ARG1: variants seen among roughly 807,000 people sequenced by gnomAD.
ARG1 encodes the protein arginase 1.
In ARG1, 20 loss-of-function variants were observed where a neutral mutation model predicts 33.0. The observed-to-expected ratio is 0.61, with a 90% CI of 0.43 to 0.88. The LOEUF (loss-of-function observed/expected upper bound fraction) is 0.88, where lower values mean the gene tolerates loss of function less well. ARG1 is among the 40% of genes least tolerant of loss of function. ARG1 has a pLI of 0.00. For synonymous variants in ARG1, 146 were observed against 140.6 expected (o/e 1.04, Z -0.27); for missense variants, 374 against 384.7 (o/e 0.97, Z 0.23).
intron 2 of ARG1, 109 bp downstream of exon 2, chr6:131,576,844 G>A (rs994369097): frequency 1.4e-5 from 14 of 990,838 alleles, no homozygotes; most frequent in South Asian, 1.2e-4. Flanking sequence ...TCAGAATTGC[G>A]GTACTGGTTA....
chr6:131,573,364 A>G (rs758330818), intron 1 of ARG1, 25 bp downstream of exon 1: 3 of 1,612,682 alleles, frequency 1.9e-6, no homozygotes, highest in Non-Finnish European at 1.7e-6. Context: ...CTTTCTTTGA[A>G]TTCCTGGAAT....
intron 2 of ARG1, 71 bp from the exon 3 acceptor site, chr6:131,579,040 T>TA (rs749556084): frequency 6.5e-7 from 1 of 1,537,522 alleles, no homozygotes; most frequent in South Asian, 1.2e-5. Flanking sequence ...TTTATACAAT[T>TA]GAGATCATCC....
intron 3 of ARG1, 145 bp downstream of exon 3, chr6:131,579,430 G>A (rs554516926): frequency 2.3e-6 from 2 of 863,788 alleles, no homozygotes; most frequent in Non-Finnish European, 3.5e-6. Context: ...AAATTTTATA[G>A]GTTACTTTTA....
chr6:131,580,463 A>C (rs1030716302), intron 3 of ARG1, among the ~76,000 whole-genome samples: 2 of 152,222 alleles, frequency 1.3e-5, no homozygotes, highest in Non-Finnish European at 2.9e-5. Flanking sequence ...GGGAGAATAC[A>C]GGCATTGTAT....
rs556756212 is a variant in ARG1 at position 131,583,433 on chromosome 6, C to T, written c.744C>T (p.Val248=). Residue 248 remains valine, a synonymous_variant, in exon 7 of 8, where the codon GTC becomes GTT. Transcript: ENST00000368087. Reference sequence around the variant, plus strand: ...TCACACCAGCTACTGGCACACCAGTCGTGGGAGGTCTGACATACAGAGAAG... The same window carrying T: ...TCACACCAGCTACTGGCACACCAGTTGTGGGAGGTCTGACATACAGAGAAG... The part of the protein sequence containing the change: ...PSFTPATGTP[V]VGGLTYREGL... 3.1e-6 allele frequency: 5 copies of T among 1,614,078 alleles called. No individual in the cohort carries two copies. The highest frequency in any genetic ancestry group is 2.2e-5 in the South Asian group (2 of 91,070).
chr6:131,579,894 G>A (rs1285100985), intron 3 of ARG1, among the ~76,000 whole-genome samples: 4 of 151,932 alleles, frequency 2.6e-5, no homozygotes, highest in Non-Finnish European at 5.9e-5. Context: ...TCTATGTTGT[G>A]TTCTCACTCT....
Position 131,581,355 on chromosome 6 carries a change from C to T in ARG1, c.442C>T (p.Leu148Phe). Residue 148 changes from leucine (L) to phenylalanine (F), a missense_variant, in exon 4 of 8, where the codon CTC becomes TTC. Coordinates refer to ENST00000368087, the MANE Select transcript of ARG1 (RefSeq NM_000045.4). ...GNLHGQPVSF[L>F]LKELKGKIPD... ...CTTGCATGGACAACCTGTATCTTTC[C>T]TCCTGAAGGAACTAAAAGGAAAGGT... 2 of 1,613,516 alleles carry T rather than the reference C, an allele frequency of 1.2e-6. No homozygotes were observed. The highest frequency in any genetic ancestry group is 1.7e-6 in the Non-Finnish European group (2 of 1,179,716).
rs1190609964 is a variant in ARG1 at position 131,583,772 on chromosome 6, T to A, written c.833T>A (p.Val278Glu). Reference protein sequence around the residue: ...GLLSGLDIMEVNPSLGKTPEE... With the variant: ...GLLSGLDIMEENPSLGKTPEE... ...CTCTCAGGATTAGATATAATGGAAG[T>A]GAACCCATCCCTGGGGAAGACACCA... is the stretch of plus-strand genomic sequence containing the variant. The change falls in exon 8 of 8, where the codon GTG becomes GAG. Residue 278 changes from valine to glutamate, a missense_variant. Transcript: ENST00000368087. 6.2e-7 allele frequency: 1 copy of A among 1,614,086 alleles called. No homozygotes were observed. The highest frequency in any genetic ancestry group is 8.5e-7 in the Non-Finnish European group (1 of 1,179,956).
At chr6:131,578,355 T>G (rs2114526458) in intron 2 of ARG1, among the ~76,000 whole-genome samples, 1 of 152,288 alleles carries the variant, frequency 6.6e-6, no homozygotes, top group East Asian at 1.9e-4. Context: ...AAATACCATA[T>G]TTAATGGCCA....
At chr6:131,579,331 T>G in intron 3 of ARG1, 46 bp downstream of exon 3, 5 of 1,598,236 alleles carry the variant, frequency 3.1e-6, no homozygotes, top group Non-Finnish European at 4.3e-6. Flanking sequence ...ACAAAGGAAG[T>G]AACCAAGGCC....
chr6:131,577,363 A>T (rs1288507837), intron 2 of ARG1, among the ~76,000 whole-genome samples: 1 of 152,184 alleles, frequency 6.6e-6, no homozygotes. Flanking sequence ...AGGTAAACAT[A>T]TATTTACATT....
rs1773916416 is a variant in ARG1, at chr6:131,581,374, G to A, written c.461G>A (p.Gly154Glu). ...TCTTTCCTCCTGAAGGAACTAAAAG[G>A]AAAGGTAAAAGACTGGTTGGTACTC... ...PVSFLLKELK[G>E]KIPDVPGFSW... The change falls in exon 4 of 8, where the codon GGA (glycine) becomes GAA (glutamate). Residue 154 changes from glycine to glutamate, a missense_variant. Physicochemically the swap from Gly to Glu is moderately conservative, Grantham distance 98 (BLOSUM62 -2). Coordinates refer to ENST00000368087, the MANE Select transcript of ARG1 (RefSeq NM_000045.4). 1 of 1,612,470 alleles carries A rather than the reference G, an allele frequency of 6.2e-7. No homozygotes were observed. The highest frequency in any genetic ancestry group is 1.3e-5 in the African/African-American group (1 of 75,014).
Position 131,574,209 on chromosome 6 carries a change from G to C in ARG1, c.57+870G>C. ...ACAATGTATGAGTTGAAACTACTAA[G>C]GTTGATTTTCTCCAGGTTTCTCAGG... On this transcript the variant is annotated intron_variant, in intron 1 of 7. Transcript: ENST00000368087. 6 of 1,505,258 alleles carry C rather than the reference G, an allele frequency of 4.0e-6. No homozygotes were observed. The South Asian group carries it at 6.8e-5, about 17-fold the overall frequency. The allele number at this position is 1,505,258 out of a possible 1,614,324, so 93.2% of individuals were successfully genotyped here.
At chr6:131,574,912 C>G (rs1231047866) in intron 1 of ARG1, among the ~76,000 whole-genome samples, 3 of 152,174 alleles carry the variant, frequency 2.0e-5, no homozygotes, top group African/African-American at 4.8e-5. Flanking sequence ...TAATTCCAGA[C>G]AAGATAATCT....
intron 3 of ARG1, among the ~76,000 whole-genome samples, chr6:131,580,689 G>C (rs550343822): frequency 1.3e-5 from 2 of 152,134 alleles, no homozygotes; most frequent in African/African-American, 4.8e-5. Flanking sequence ...GTGAACACAC[G>C]CCATACGCTG....
chr6:131,583,387 T>C lies in ARG1; in HGVS notation c.698T>C (p.Val233Ala), dbSNP rs1372696715. ...AGGCCAATTCATCTAAGTTTTGATGTTGACGGACTGGACCCATCTTTCACA... is the reference window on the plus strand; with the variant it reads ...AGGCCAATTCATCTAAGTTTTGATGCTGACGGACTGGACCCATCTTTCACA... ...KKRPIHLSFD[V>A]DGLDPSFTPA... The change falls in exon 7 of 8, where the codon GTT (valine) becomes GCT (alanine). Residue 233 changes from valine to alanine, a missense_variant. Physicochemically the swap from Val to Ala is moderately conservative, Grantham distance 64 (BLOSUM62 0). Coordinates refer to ENST00000368087, the MANE Select transcript of ARG1 (RefSeq NM_000045.4). The C allele has an allele frequency of 6.2e-7, 1 of 1,614,204 alleles. No individual in the cohort carries two copies. The highest frequency in any genetic ancestry group is 1.7e-5 in the Admixed American group (1 of 60,032).
In ARG1 at chr6:131,573,289, G is replaced by A. The variant is rs558377642; in HGVS notation, c.7G>A (p.Ala3Thr). 24 of 1,613,860 alleles carry A rather than the reference G, an allele frequency of 1.5e-5. No individual in the cohort carries two copies. Among genetic ancestry groups the A allele is most frequent in the African/African-American group, 2.7e-5 (2 of 74,876 alleles). The part of the protein sequence containing the change: MS[A>T]KSRTIGIIGA... ...CAAAGAGAAGTGTCAGAGCATGAGCGCCAAGTCCAGAACCATAGGGATTAT... is the reference window on the plus strand; with the variant it reads ...CAAAGAGAAGTGTCAGAGCATGAGCACCAAGTCCAGAACCATAGGGATTAT... The change falls in exon 1 of 8, where the codon GCC becomes ACC. Residue 3 changes from alanine (A) to threonine (T), a missense_variant. By Grantham distance (58) the Ala-to-Thr change is moderately conservative. Coordinates refer to ENST00000368087, the MANE Select transcript of ARG1 (RefSeq NM_000045.4).
Position 131,581,127 on chromosome 6 carries a change from A to G in ARG1, c.306-92A>G, listed in dbSNP as rs12205666. The G allele has an allele frequency of 3.7e-6, 5 of 1,348,556 alleles. No individual in the cohort carries two copies. The African/African-American group carries it at 5.7e-5, about 15-fold the overall frequency. 83.5% of individuals were successfully genotyped at this position (1,348,556 alleles called of 1,614,324 possible). ...CAGAAATATCAGACACTGTGACTCA[A>G]AGGAAAACCAAGTGGGAGCATTGAG... On this transcript the variant is annotated intron_variant, in intron 3 of 7. Transcript: ENST00000368087.
At chr6:131,576,612 C>G (rs1375117058) in intron 1 of ARG1, 51 bp from the exon 2 acceptor site, 1 of 1,512,342 alleles carries the variant, frequency 6.6e-7, no homozygotes, top group Non-Finnish European at 9.2e-7. Flanking sequence ...CTGCTGTGAG[C>G]ATCTGATGGT....
Sources: gnomAD v4.1 joint callset for allele counts (sites outside exome capture counted in the v4.1 genomes callset) on GRCh38, gnomAD v4.1.1 for gene constraint, MANE v1.5 for transcripts, NCBI Gene and HGNC (gene_info 2026-07-23, HGNC 2026-07-21) for gene names.